The following MYPN variants were observed in gnomAD, a reference collection of about 807,000 sequenced individuals.
MYPN encodes sarcomeric protein myopalladin, 145 kDa (MYOP).
MYPN carries 63 observed loss-of-function variants against 129.4 expected under a neutral mutation model. That is an observed-to-expected ratio of 0.49 (90% confidence interval 0.40 to 0.60). The LOEUF (loss-of-function observed/expected upper bound fraction) is 0.60. Among genes scored for constraint, MYPN ranks in the 20% least tolerant of loss-of-function variants. The pLI is 0.00. For synonymous variants in MYPN, 629 were observed against 600.9 expected (o/e 1.05, Z -0.68); for missense variants, 1,596 against 1,635.4 (o/e 0.98, Z 0.42).
chr10:68,203,880 G>A (rs1371817379), intron 18 of MYPN, among the ~76,000 whole-genome samples: 3 of 152,172 alleles, frequency 2.0e-5, no homozygotes, highest in African/African-American at 4.8e-5. Context: ...TGTTGTAAGT[G>A]TTGTAAGTAT....
chr10:68,189,557 T>C (rs2043477980), intron 13 of MYPN, among the ~76,000 whole-genome samples: 1 of 152,176 alleles, frequency 6.6e-6, no homozygotes. Flanking sequence ...ACCATTCCAC[T>C]CACCACCTCC....
chr10:68,184,922 T>C (rs563917444), intron 12 of MYPN, among the ~76,000 whole-genome samples: 1 of 152,242 alleles, frequency 6.6e-6, no homozygotes, highest in Admixed American at 6.5e-5. Flanking sequence ...GGAGAATCTC[T>C]GGTGGGTGAA....
chr10:68,182,305 A>G (rs1003646070), intron 12 of MYPN, among the ~76,000 whole-genome samples: 2,168 of 13,952 alleles, frequency 0.16, 93 homozygotes, highest in Middle Eastern at 0.38. Context: ...CATATATATA[A>G]CACACACATA....
At chr10:68,165,874 C>G in intron 9 of MYPN, 56 bp downstream of exon 9, 1 of 1,392,242 alleles carries the variant, frequency 7.2e-7, no homozygotes, top group Non-Finnish European at 1.0e-6. Flanking sequence ...TGTGAATATG[C>G]AGATTTTGTG....
intron 13 of MYPN, among the ~76,000 whole-genome samples, chr10:68,193,592 G>A (rs1440752700): frequency 6.6e-6 from 1 of 152,176 alleles, no homozygotes; most frequent in African/African-American, 2.4e-5. Flanking sequence ...TCAGCTGAGA[G>A]AAGGATTTAC....
rs3814182 is a variant in MYPN, at chr10:68,174,501, C to G, written c.2409C>G (p.Ser803Arg). ...CACCATTCACATTTTCCATCCCCAG[C>G]GGAAACCAGTTTCAGCCCCGCTGTG... ...TPPPFTFSIP[S>R]GNQFQPRCVS... Residue 803 changes from serine (S) to arginine (R), a missense_variant, in exon 11 of 20, where the codon AGC becomes AGG. Ser to Arg is a moderately radical substitution (Grantham distance 110). Transcript: ENST00000358913. 881,527 of 1,613,720 alleles carry G rather than the reference C, an allele frequency of 0.55. 243,329 individuals carry two copies. Among genetic ancestry groups the G allele is most frequent in the Non-Finnish European group, 0.57 (667,422 of 1,179,898 alleles).
At chr10:68,200,038 A>G (rs529343068) in intron 17 of MYPN, among the ~76,000 whole-genome samples, 3 of 152,320 alleles carry the variant, frequency 2.0e-5, no homozygotes, top group African/African-American at 7.2e-5. Flanking sequence ...CACCAGGTAC[A>G]GTGGATCCAC....
intron 6 of MYPN, among the ~76,000 whole-genome samples, chr10:68,154,560 C>T (rs1200376562): frequency 6.6e-6 from 1 of 152,206 alleles, no homozygotes; most frequent in South Asian, 2.1e-4. Context: ...TTGTGACAGT[C>T]AAGGGGCAAA....
At chr10:68,200,785 G>A (rs1168571568) in intron 17 of MYPN, among the ~76,000 whole-genome samples, 1 of 151,914 alleles carries the variant, frequency 6.6e-6, no homozygotes, top group Admixed American at 6.6e-5. Context: ...GAAATTCAGG[G>A]TGGCTTCAGC....
chr10:68,182,465 C>CATATATATATAACAT lies in MYPN; in HGVS notation c.2704-6433_2704-6432insTATAACATATATATA, dbSNP rs372702266. On this transcript the variant is annotated intron_variant, in intron 12 of 19. Transcript: ENST00000358913. ...ACATATATATAACATATATATATAA[C>CATATATATATAACAT]ATATATACACACACACACACACACA... Among the ~76,000 whole-genome samples, 3 of 89,390 alleles carry CATATATATATAACAT rather than the reference C, an allele frequency of 3.4e-5. No individual in the cohort carries two copies. The Admixed American group carries it at 3.7e-4, about 11-fold the overall frequency. 58.6% of individuals were successfully genotyped at this position (89,390 alleles called of 152,430 possible).
rs141235385 is a variant in MYPN at position 68,194,072 on chromosome 10, C to T, written c.2926-291C>T. 5.6e-3 allele frequency among the ~76,000 whole-genome samples: 853 copies of T among 152,160 alleles called. 7 individuals are homozygous for T. Among genetic ancestry groups the T allele is most frequent in the African/African-American group, 0.019 (795 of 41,524 alleles). On this transcript the variant is annotated intron_variant, in intron 13 of 19. Coordinates refer to ENST00000358913, the MANE Select transcript of MYPN (RefSeq NM_032578.4). ...CCAGTCCTTAGGGTGGCTTTTAAAA[C>T]TATGTGTGAAGTACAAGAAAAATAG...
At chr10:68,154,391 G>A (rs1474371260) in intron 6 of MYPN, among the ~76,000 whole-genome samples, 1 of 152,214 alleles carries the variant, frequency 6.6e-6, no homozygotes, top group Non-Finnish European at 1.5e-5. Flanking sequence ...CAGGGGAAGC[G>A]AGAATTTGAA....
At chr10:68,192,146 T>C (rs77250561) in intron 13 of MYPN, among the ~76,000 whole-genome samples, 17 of 152,302 alleles carry the variant, frequency 1.1e-4, no homozygotes, top group African/African-American at 4.1e-4. Context: ...GTTTGTCATA[T>C]ATGGACTTCA....
At chr10:68,171,759 A>G (rs1031789731) in intron 10 of MYPN, among the ~76,000 whole-genome samples, 7 of 152,164 alleles carry the variant, frequency 4.6e-5, no homozygotes, top group Non-Finnish European at 1.0e-4. Flanking sequence ...GCACTGGCAA[A>G]TGTTTAATGA....
chr10:68,182,497 C>CAT (rs1336306348), intron 12 of MYPN, among the ~76,000 whole-genome samples: 45 of 132,484 alleles, frequency 3.4e-4, no homozygotes, highest in African/African-American at 1.1e-3. Flanking sequence ...CACACACACA[C>CAT]ATATATATAT....
intron 10 of MYPN, among the ~76,000 whole-genome samples, chr10:68,171,621 A>G (rs2043145707): frequency 6.6e-6 from 1 of 152,248 alleles, no homozygotes; most frequent in Non-Finnish European, 1.5e-5. Context: ...AACTCTGAGC[A>G]GGTGCCTAAA....
At chr10:68,128,327 A>C (rs1256226351) in intron 2 of MYPN, among the ~76,000 whole-genome samples, 1 of 152,182 alleles carries the variant, frequency 6.6e-6, no homozygotes, top group African/African-American at 2.4e-5. Context: ...TTTACCTTTT[A>C]TAGATGTTGA....
At chr10:68,177,951 T>C (rs1171769556) in intron 12 of MYPN, among the ~76,000 whole-genome samples, 1 of 152,224 alleles carries the variant, frequency 6.6e-6, no homozygotes, top group African/African-American at 2.4e-5. Flanking sequence ...CATTAACACA[T>C]TGTGCTGAGC....
At chr10:68,194,335 T>C in intron 13 of MYPN, 28 bp from the exon 14 acceptor site, 4 of 1,610,900 alleles carry the variant, frequency 2.5e-6, no homozygotes, top group Non-Finnish European at 2.5e-6. Context: ...AACAAAACAG[T>C]GTACATCTTG....
Sources: gnomAD v4.1 joint callset for allele counts (sites outside exome capture counted in the v4.1 genomes callset) on GRCh38, gnomAD v4.1.1 for gene constraint, MANE v1.5 for transcripts, NCBI Gene and HGNC (gene_info 2026-07-23, HGNC 2026-07-21) for gene names.